Variants in SLCO3A1 observed in about 807,000 individuals in gnomAD.
The protein encoded by SLCO3A1 is PGE1 transporter.
Under a neutral mutation model 63.1 loss-of-function variants are expected in SLCO3A1, and 27 were observed. That is an observed-to-expected ratio of 0.43 (90% confidence interval 0.32 to 0.59). SLCO3A1 has a LOEUF of 0.59. SLCO3A1 is among the 20% of genes least tolerant of loss of function. The pLI, the probability that SLCO3A1 is intolerant of heterozygous loss-of-function variation, is 0.09. For missense variants in SLCO3A1, 773 were observed against 945.8 expected (o/e 0.82, Z 2.40); for synonymous variants, 473 against 409.9 (o/e 1.15, Z -1.86).
intron 7 of SLCO3A1, among the ~76,000 whole-genome samples, chr15:92,140,585 A>G (rs896403911): frequency 6.6e-6 from 1 of 152,140 alleles, no homozygotes; most frequent in Admixed American, 6.5e-5. Context: ...GGGTGTTACA[A>G]GTCTCCCATT....
chr15:92,129,700 A>T (rs1052845104), intron 7 of SLCO3A1, among the ~76,000 whole-genome samples: 29 of 152,204 alleles, frequency 1.9e-4, no homozygotes, highest in Non-Finnish European at 1.3e-4. Flanking sequence ...TAGAGTTGAG[A>T]TCATTAGCTG....
At chr15:92,007,721 A>G (rs912661621) in intron 2 of SLCO3A1, among the ~76,000 whole-genome samples, 2 of 152,178 alleles carry the variant, frequency 1.3e-5, no homozygotes, top group African/African-American at 2.4e-5. Context: ...GGAAAGTAGT[A>G]TACTTCTTTT....
intron 4 of SLCO3A1, among the ~76,000 whole-genome samples, chr15:92,113,938 G>A (rs887373417): frequency 9.2e-5 from 14 of 152,292 alleles, no homozygotes; most frequent in Admixed American, 2.6e-4. Flanking sequence ...GCCACAGCCC[G>A]GGAATTTTGA....
intron 2 of SLCO3A1, among the ~76,000 whole-genome samples, chr15:91,973,136 G>A (rs1028384107): frequency 1.3e-5 from 2 of 152,208 alleles, no homozygotes; most frequent in African/African-American, 2.4e-5. Context: ...AAAGGGCAAC[G>A]GGCAGTGCCC....
intron 2 of SLCO3A1, among the ~76,000 whole-genome samples, chr15:92,046,186 G>A (rs928365902): frequency 6.6e-6 from 1 of 152,002 alleles, no homozygotes; most frequent in Non-Finnish European, 1.5e-5. Flanking sequence ...AGCTATATTG[G>A]ACAGCCTACA....
rs1899643058 is a variant in SLCO3A1, at chr15:91,942,111, C to G, written c.646+25653C>G. ...CTACTGTTTTGCTGTTTAAATGTACCTAATTTTAGGAAATCATAATTTTGG... is the reference window on the plus strand; with the variant it reads ...CTACTGTTTTGCTGTTTAAATGTACGTAATTTTAGGAAATCATAATTTTGG... On this transcript the variant is annotated intron_variant, in intron 2 of 9. Coordinates refer to ENST00000318445, the MANE Select transcript of SLCO3A1 (RefSeq NM_013272.4). This position sits in a 1 kb window ranked among gnomAD's most constrained non-coding sequence, Gnocchi z 4.1. Among the ~76,000 whole-genome samples, 1 of 152,172 alleles carries G rather than the reference C, an allele frequency of 6.6e-6. No homozygotes were observed. The highest frequency in any genetic ancestry group is 1.5e-5 in the Non-Finnish European group (1 of 68,036).
rs1210926636 is a variant in SLCO3A1 at position 92,047,547 on chromosome 15, T to TATAA, written c.647-47330_647-47327dup. ...AATAAATATATAAATATATATAATA[T>TATAA]ATAAATATATAAATATATATATAAA... On this transcript the variant is annotated intron_variant, in intron 2 of 9. Coordinates refer to ENST00000318445, the MANE Select transcript of SLCO3A1 (RefSeq NM_013272.4). Among the ~76,000 whole-genome samples, 71 of 12,156 alleles carry TATAA rather than the reference T, an allele frequency of 5.8e-3. 11 individuals are homozygous for TATAA. The highest frequency in any genetic ancestry group is 0.015 in the Admixed American group (5 of 328). The allele number at this position is 12,156 out of a possible 152,430, so 8.0% of individuals were successfully genotyped here. A position where few individuals can be genotyped will look rare whatever the true frequency, so the allele number is the denominator to read the frequency against.
rs1897386302 is a variant in SLCO3A1 at position 91,875,848 on chromosome 15, T to G, written c.180+21760T>G. ...GAACACAGCCATGCTGATTTATGTA[T>G]ATATTATCATCATCATGTGACAGAA... is the stretch of plus-strand genomic sequence containing the variant. On this transcript the variant is annotated intron_variant, in intron 1 of 9. Coordinates refer to ENST00000318445, the MANE Select transcript of SLCO3A1 (RefSeq NM_013272.4). The surrounding 1 kb of genome is among the most constrained non-coding windows in gnomAD (Gnocchi z 4.5). Among the ~76,000 whole-genome samples the G allele has an allele frequency of 6.6e-6, 1 of 152,216 alleles. No homozygotes were observed. The highest frequency in any genetic ancestry group is 2.1e-4 in the South Asian group (1 of 4,830).
chr15:92,166,046 T>C, downstream of SLCO3A1: 1 of 344,366 alleles, frequency 2.9e-6, no homozygotes, highest in Non-Finnish European at 4.1e-6. Flanking sequence ...GGGTTTTGTT[T>C]TGTTTTTTGT....
chr15:91,926,558 CGTGTGTGTGTGTGT>C (rs565234731), intron 2 of SLCO3A1, among the ~76,000 whole-genome samples: 16 of 126,042 alleles, frequency 1.3e-4, no homozygotes, highest in East Asian at 1.0e-3. Context: ...CCTGCCAAGC[CGTGTGTGTGTGTGT>C]GTGTGTGTGT....
Position 91,894,002 on chromosome 15 carries a change from G to A in SLCO3A1, c.181-21991G>A, listed in dbSNP as rs1897940447. Among the ~76,000 whole-genome samples, 1 of 152,210 alleles carries A rather than the reference G, an allele frequency of 6.6e-6. No homozygotes were observed. Among genetic ancestry groups the A allele is most frequent in the African/African-American group, 2.4e-5 (1 of 41,452 alleles). On this transcript the variant is annotated intron_variant, in intron 1 of 9. Coordinates refer to ENST00000318445, the MANE Select transcript of SLCO3A1 (RefSeq NM_013272.4). This position sits in a 1 kb window ranked among gnomAD's most constrained non-coding sequence, Gnocchi z 4.8. ...TTGCCATAGCGACTGGATTGGAAGC[G>A]AAGGTGGTGCTGATCAAAGGAAGCC...
At chr15:91,975,694 C>T (rs1319611203) in intron 2 of SLCO3A1, among the ~76,000 whole-genome samples, 1 of 152,236 alleles carries the variant, frequency 6.6e-6, no homozygotes, top group Non-Finnish European at 1.5e-5. Context: ...GTCTGCACTG[C>T]TAGCACAGCC....
At chr15:91,877,228 G>A (rs915029339) in intron 1 of SLCO3A1, among the ~76,000 whole-genome samples, 1 of 152,166 alleles carries the variant, frequency 6.6e-6, no homozygotes, top group East Asian at 1.9e-4. Context: ...TTTTAATTAA[G>A]TTGGTGTGAA....
chr15:91,979,058 C>G (rs1376864121), intron 2 of SLCO3A1, among the ~76,000 whole-genome samples: 1 of 152,224 alleles, frequency 6.6e-6, no homozygotes, highest in Admixed American at 6.5e-5. Context: ...TGCTAGTTAA[C>G]TTCTCTGAGA....
In SLCO3A1 at chr15:92,164,074, G is replaced by T. The variant is rs1189731880; in HGVS notation, c.*939G>T. Reference sequence around the variant, plus strand: ...CAATCCATATGAATTTCAAACTGTTGTATGTATAATCCTCTAATACTATTT... The same window carrying T: ...CAATCCATATGAATTTCAAACTGTTTTATGTATAATCCTCTAATACTATTT... On this transcript the variant is annotated 3_prime_UTR_variant, in exon 10 of 10. Transcript: ENST00000318445. 5.1e-6 allele frequency: 5 copies of T among 981,582 alleles called. No individual in the cohort carries two copies. Among genetic ancestry groups the T allele is most frequent in the Admixed American group, 1.2e-4 (2 of 16,268 alleles). The allele number at this position is 981,582 out of a possible 1,614,324, so 60.8% of individuals were successfully genotyped here. A position where few individuals can be genotyped will look rare whatever the true frequency, so the allele number is the denominator to read the frequency against.
At position 91,949,141 on chromosome 15, in the gene SLCO3A1, G is replaced by T. The variant is rs550496474; in HGVS notation, c.646+32683G>T. Among the ~76,000 whole-genome samples the T allele has an allele frequency of 9.2e-5, 14 of 152,212 alleles. No homozygotes were observed. In the East Asian group the frequency reaches 1.7e-3, roughly 19 times the overall value. Reference sequence around the variant, plus strand: ...GGGTGCATCAAAAAGGCTAGACTGTGTGCAGCTGCTTCTGCACACAGATAA... The same window carrying T: ...GGGTGCATCAAAAAGGCTAGACTGTTTGCAGCTGCTTCTGCACACAGATAA... On this transcript the variant is annotated intron_variant, in intron 2 of 9. Transcript: ENST00000318445.
chr15:92,160,637 G>A (rs1004738402), intron 9 of SLCO3A1, among the ~76,000 whole-genome samples: 2 of 152,144 alleles, frequency 1.3e-5, no homozygotes, highest in African/African-American at 2.4e-5. Flanking sequence ...AATCTTCTCC[G>A]GGGCTTCTCT....
intron 2 of SLCO3A1, among the ~76,000 whole-genome samples, chr15:91,955,919 T>C (rs973416151): frequency 6.6e-6 from 1 of 152,182 alleles, no homozygotes; most frequent in Non-Finnish European, 1.5e-5. Context: ...TCTAAAACCA[T>C]CCTGGTCCCT....
At chr15:92,097,884 G>C (rs1246670046) in intron 3 of SLCO3A1, 1 of 152,230 alleles carries the variant, frequency 6.6e-6, no homozygotes, top group African/African-American at 2.4e-5. Flanking sequence ...GGTGGATTTG[G>C]GCTGTATTTG....
Sources: allele counts gnomAD v4.1 joint callset (sites outside exome capture counted in the v4.1 genomes callset), GRCh38; gene constraint gnomAD v4.1.1; non-coding constraint Gnocchi (gnomAD v3.1); transcripts MANE v1.5; gene names NCBI Gene and HGNC (gene_info 2026-07-23, HGNC 2026-07-21).